SOX5: variants seen among roughly 807,000 people sequenced by gnomAD.
SOX5 encodes SRY-box transcription factor 5.
In SOX5, 9 loss-of-function variants were observed where a neutral mutation model predicts 92.0. That is an observed-to-expected ratio of 0.10 (90% CI 0.06 to 0.17). SOX5 has a LOEUF of 0.17. Ranked by LOEUF, SOX5 falls within the 10% of genes least tolerant of loss-of-function variation. The probability of loss-of-function intolerance (pLI) is 1.00; values close to 1 mark genes in which losing one functional copy is unlikely to be tolerated. For synonymous variants in SOX5, 344 were observed against 336.3 expected, an observed-to-expected ratio of 1.02 and a Z score of -0.25; for missense variants, 642 against 944.5, an observed-to-expected ratio of 0.68 and a Z score of 4.20.
At chr12:23,604,180 G>T in intron 9 of SOX5, 3 of 509,144 alleles carry the variant, frequency 5.9e-6, no homozygotes, top group South Asian at 2.9e-5. Context: ...TATAGTTATC[G>T]ATACACGCAT....
intron 4 of SOX5, among the ~76,000 whole-genome samples, chr12:23,974,694 A>G (rs982752212): frequency 2.6e-5 from 4 of 152,196 alleles, no homozygotes; most frequent in Non-Finnish European, 5.9e-5. Flanking sequence ...GCAAGAAAAT[A>G]TAAGGGAAAA....
At chr12:24,486,207 G>T (rs1171654449) in intron 1 of SOX5, among the ~76,000 whole-genome samples, 1 of 152,148 alleles carries the variant, frequency 6.6e-6, no homozygotes, top group East Asian at 1.9e-4. Context: ...AAAGTGCTGG[G>T]ATTATAGACA....
intron 6 of SOX5, among the ~76,000 whole-genome samples, chr12:23,713,032 G>C (rs1567161240): frequency 2.6e-5 from 4 of 152,228 alleles, no homozygotes; most frequent in Admixed American, 6.5e-5. Flanking sequence ...TAGAGTCTTT[G>C]TGGATGTATG....
intron 1 of SOX5, among the ~76,000 whole-genome samples, chr12:24,467,891 G>A (rs1488716074): frequency 6.6e-6 from 1 of 152,180 alleles, no homozygotes; most frequent in African/African-American, 2.4e-5. Context: ...ATGCCAACTA[G>A]TGGGCTACTT....
intron 3 of SOX5, among the ~76,000 whole-genome samples, chr12:23,797,376 G>A (rs1269943804): frequency 1.3e-5 from 2 of 151,922 alleles, no homozygotes; most frequent in Admixed American, 6.6e-5. Flanking sequence ...CAGGCTATGT[G>A]GGTCGGTTGA....
chr12:24,166,665 T>C (rs1953447096), intron 4 of SOX5, among the ~76,000 whole-genome samples: 1 of 152,220 alleles, frequency 6.6e-6, no homozygotes, highest in East Asian at 1.9e-4. Context: ...TTGCTTATTT[T>C]AATTTTGTCC....
chr12:23,838,758 G>A (rs1224381019), intron 3 of SOX5, among the ~76,000 whole-genome samples: 2 of 146,854 alleles, frequency 1.4e-5, no homozygotes, highest in South Asian at 2.1e-4. Flanking sequence ...TGCTATGGAC[G>A]CGCTATTGCT....
chr12:23,835,438 G>A (rs943004012), intron 3 of SOX5, among the ~76,000 whole-genome samples: 1 of 151,656 alleles, frequency 6.6e-6, no homozygotes, highest in South Asian at 2.1e-4. Context: ...GTCCTAAAAT[G>A]TATCTATGTT....
intron 4 of SOX5, among the ~76,000 whole-genome samples, chr12:23,748,393 A>C (rs954559236): frequency 6.6e-6 from 1 of 152,072 alleles, no homozygotes; most frequent in African/African-American, 2.4e-5. Flanking sequence ...ATCAGGGTTG[A>C]ATTAAAGATG....
At chr12:24,502,066 G>C (rs1451369558) in intron 1 of SOX5, among the ~76,000 whole-genome samples, 1 of 152,050 alleles carries the variant, frequency 6.6e-6, no homozygotes. Flanking sequence ...AGCCTTCCAG[G>C]CTCCACCTAC....
intron 6 of SOX5, among the ~76,000 whole-genome samples, chr12:23,721,277 GT>G (rs2092801655): frequency 6.6e-6 from 1 of 151,880 alleles, no homozygotes; most frequent in Admixed American, 6.6e-5. Context: ...TAGAGATGGG[GT>G]TTCTCCATAT....
intron 2 of SOX5, among the ~76,000 whole-genome samples, chr12:23,887,102 G>A (rs921814638): frequency 2.6e-5 from 4 of 152,218 alleles, no homozygotes; most frequent in African/African-American, 9.6e-5. Flanking sequence ...TACTAAAAAC[G>A]AGTTAAAACT....
rs79814417 is a variant in SOX5, at chr12:24,131,502, C to T, written c.-2+81841G>A. Among the ~76,000 whole-genome samples, 1,304 of 152,198 alleles carry T rather than the reference C, an allele frequency of 8.6e-3. 17 individuals carry two copies. The highest frequency in any genetic ancestry group is 9.9e-3 in the Non-Finnish European group (676 of 67,988). The stretch of plus-strand genomic sequence containing the variant: ...GTTCATTGAACTTATTTATTTATAC[C>T]ACTTGATTACATTTCACAATTTAAG... On this transcript the variant is annotated intron_variant, in intron 4 of 4. Transcript: ENST00000446891.
At chr12:24,344,798 C>T (rs540476768) in intron 2 of SOX5, among the ~76,000 whole-genome samples, 2 of 152,158 alleles carry the variant, frequency 1.3e-5, no homozygotes, top group Non-Finnish European at 2.9e-5. Flanking sequence ...ACTTTAAAAG[C>T]AAAACTTGGG....
In SOX5 at chr12:23,679,875, T is replaced by G. The variant is rs143715998; in HGVS notation, c.811-14311A>C. The stretch of plus-strand genomic sequence containing the variant: ...CAGCAGATTTAGATACCCAAAGATA[T>G]CAAGGTAGTGGATAATCAGATAAAA... On this transcript the variant is annotated intron_variant, in intron 6 of 14. Coordinates refer to ENST00000451604, the MANE Select transcript of SOX5 (RefSeq NM_006940.6). Among the ~76,000 whole-genome samples, 4 of 151,986 alleles carry G rather than the reference T, an allele frequency of 2.6e-5. 1 individual carries two copies. Among genetic ancestry groups the G allele is most frequent in the African/African-American group, 9.7e-5 (4 of 41,450 alleles).
At chr12:23,828,052 C>A (rs1329451100) in intron 3 of SOX5, among the ~76,000 whole-genome samples, 1 of 152,176 alleles carries the variant, frequency 6.6e-6, no homozygotes, top group East Asian at 1.9e-4. Context: ...CAATGACAGA[C>A]CACGTATACA....
At chr12:24,118,467 C>T (rs759371948) in intron 4 of SOX5, among the ~76,000 whole-genome samples, 1 of 151,992 alleles carries the variant, frequency 6.6e-6, no homozygotes, top group African/African-American at 2.4e-5. Flanking sequence ...AATTCATTGA[C>T]ACAGACAGTT....
intron 1 of SOX5, among the ~76,000 whole-genome samples, chr12:24,532,573 C>T (rs1294265197): frequency 6.6e-6 from 1 of 152,292 alleles, no homozygotes; most frequent in Non-Finnish European, 1.5e-5. Context: ...ACAACATTAC[C>T]AAGTGGGTAT....
chr12:24,387,187 G>C (rs894371095), intron 1 of SOX5, among the ~76,000 whole-genome samples: 1 of 152,152 alleles, frequency 6.6e-6, no homozygotes, highest in African/African-American at 2.4e-5. Context: ...ACCATGAGTT[G>C]CTGGATACAG....
Sources: gnomAD v4.1 joint callset for allele counts (sites outside exome capture counted in the v4.1 genomes callset) on GRCh38, gnomAD v4.1.1 for gene constraint, MANE v1.5 for transcripts, NCBI Gene and HGNC (gene_info 2026-07-23, HGNC 2026-07-21) for gene names.